DNAJC17: variants seen among roughly 807,000 people sequenced by gnomAD.
The protein encoded by DNAJC17 is dnaJ homolog subfamily C member 17.
Under a neutral mutation model 48.1 loss-of-function variants are expected in DNAJC17, and 35 were observed. That is an observed-to-expected ratio of 0.73 (90% confidence interval 0.56 to 0.96). The LOEUF (loss-of-function observed/expected upper bound fraction) is 0.96. DNAJC17 is among the 50% of genes least tolerant of loss of function. The probability of loss-of-function intolerance (pLI) is 0.00; values close to 1 mark genes in which losing one functional copy is unlikely to be tolerated. For missense variants in DNAJC17, 355 were observed against 377.1 expected, an observed-to-expected ratio of 0.94 and a Z score of 0.48; for synonymous variants, 117 against 142.7, an observed-to-expected ratio of 0.82 and a Z score of 1.28.
intron 1 of DNAJC17, among the ~76,000 whole-genome samples, chr15:40,790,818 C>T (rs935210029): frequency 6.6e-6 from 1 of 152,126 alleles, no homozygotes; most frequent in African/African-American, 2.4e-5. Flanking sequence ...TTACAGCTTA[C>T]AAACACAAAT....
intron 4 of DNAJC17, 167 bp from the exon 5 acceptor site, chr15:40,776,794 A>C: frequency 1.6e-6 from 1 of 643,724 alleles, no homozygotes; most frequent in South Asian, 1.8e-5. Flanking sequence ...TTCCATTGAG[A>C]AAAATCACAG....
chr15:40,773,799 G>T lies in DNAJC17; in HGVS notation c.720C>A (p.Asn240Lys), dbSNP rs146962346. The change falls in exon 10 of 11, where the codon AAC becomes AAA. Residue 240 changes from asparagine to lysine, a missense_variant. Physicochemically the swap from Asn to Lys is moderately conservative, Grantham distance 94 (BLOSUM62 0). This residue lies in a region of DNAJC17 where 68 missense variants were observed against 109.5 expected (regional missense o/e 0.62). Transcript: ENST00000220496. ...AVQNEVGLVDNPLKISWLEGQ... is the reference protein window; with the variant it reads ...AVQNEVGLVDKPLKISWLEGQ... ...CCTCCAACCAGGAAATCTTCAGAGG[G>T]TTATCCACCAGGCCAACTTCATTCT... 3 of 1,613,972 alleles carry T rather than the reference G, an allele frequency of 1.9e-6. No individual in the cohort carries two copies. The highest frequency in any genetic ancestry group is 2.5e-6 in the Non-Finnish European group (3 of 1,179,990).
At chr15:40,803,603 C>T (rs968373224) in intron 1 of DNAJC17, among the ~76,000 whole-genome samples, 4 of 152,220 alleles carry the variant, frequency 2.6e-5, no homozygotes, top group African/African-American at 9.7e-5. Context: ...CATGTCCAAA[C>T]TCTGCCCATT....
chr15:40,774,281 AG>A, intron 9 of DNAJC17, 74 bp downstream of exon 9: 1 of 1,523,140 alleles, frequency 6.6e-7, no homozygotes, highest in East Asian at 2.3e-5. Context: ...CCTAACTCAG[AG>A]GGCCCACAGA....
chr15:40,770,789 C>A lies in DNAJC17; in HGVS notation c.793-2727G>T. The stretch of plus-strand genomic sequence containing the variant: ...CAAGCTGCCCCAACATCCTGGAGCC[C>A]CCACCTGCCTACACAGCAGCCTACT... On this transcript the variant is annotated intron_variant, in intron 10 of 10. Coordinates refer to ENST00000220496, the MANE Select transcript of DNAJC17 (RefSeq NM_018163.3). This position sits in a 1 kb window ranked among gnomAD's most constrained non-coding sequence, Gnocchi z 5.0. The A allele has an allele frequency of 6.5e-7, 1 of 1,548,710 alleles. No individual in the cohort carries two copies. Among genetic ancestry groups the A allele is most frequent in the Non-Finnish European group, 8.7e-7 (1 of 1,146,982 alleles).
At chr15:40,785,906 A>G (rs1418712138) in intron 1 of DNAJC17, among the ~76,000 whole-genome samples, 4 of 152,270 alleles carry the variant, frequency 2.6e-5, no homozygotes, top group African/African-American at 9.6e-5. Context: ...TGTCTTGATT[A>G]ACTAGTTATT....
In DNAJC17 at chr15:40,776,222, C is replaced by A. The variant is rs749785446; in HGVS notation, c.452G>T (p.Arg151Leu). 55 of 1,613,920 alleles carry A rather than the reference C, an allele frequency of 3.4e-5. No individual in the cohort carries two copies. Among genetic ancestry groups the A allele is most frequent in the African/African-American group, 5.3e-5 (4 of 74,912 alleles). ...TCTCAACCTCTGGTCACGCTCCTGG[C>A]GTATCTGCTCCCGGATGAGCCTCTG... is the stretch of plus-strand genomic sequence containing the variant. ...EQQRLIREQI[R>L]QERDQRLRGK... is the part of the protein sequence containing the mutation. The change falls in exon 6 of 11, where the codon CGC becomes CTC. Residue 151 changes from arginine (R) to leucine (L), a missense_variant. Transcript: ENST00000220496.
In DNAJC17 at chr15:40,797,200, T is replaced by C. The variant is rs889251255; in HGVS notation, c.78+10169A>G. On this transcript the variant is annotated intron_variant, in intron 1 of 10. Transcript: ENST00000220496. The stretch of plus-strand genomic sequence containing the variant: ...GTCTGGGCAACATAGCAAAACCCCA[T>C]CTCTACAAAAAATTTAAAAATCAGC... Among the ~76,000 whole-genome samples the C allele has an allele frequency of 2.6e-5, 4 of 152,118 alleles. No homozygotes were observed. In the East Asian group the frequency reaches 5.8e-4, roughly 22 times the overall value.
intron 7 of DNAJC17, 109 bp downstream of exon 7, chr15:40,775,444 G>T: frequency 7.9e-7 from 1 of 1,272,478 alleles, no homozygotes; most frequent in Non-Finnish European, 1.1e-6. Context: ...CGGGCTCCAC[G>T]CAGATCCAGC....
At chr15:40,807,135 G>A in intron 1 of DNAJC17, 1 of 1,051,840 alleles carries the variant, frequency 9.5e-7, no homozygotes, top group Non-Finnish European at 1.3e-6. Context: ...AGGGGCCACG[G>A]GGAGAGCACA....
rs1888975171 is a variant in DNAJC17 at position 40,767,408 on chromosome 15, AC to A, written c.*531del. 1.3e-6 allele frequency: 2 copies of A among 1,509,132 alleles called. No homozygotes were observed. Among genetic ancestry groups the A allele is most frequent in the Non-Finnish European group, 1.8e-6 (2 of 1,125,468 alleles). The allele number at this position is 1,509,132 out of a possible 1,614,324, so 93.5% of individuals were successfully genotyped here. ...TGTGGAGGGGCTGCTGTGGGCCCTG[AC>A]CTCCAAGCTCCTGCCTCACCGTCTG... On this transcript the variant is annotated 3_prime_UTR_variant, in exon 11 of 11. Transcript: ENST00000220496.
Position 40,768,030 on chromosome 15 carries a change from G to A in DNAJC17, c.825C>T (p.Ser275=), listed in dbSNP as rs773754995. ...CCTGGCGCATGCGCATCATGACGAG[G>A]CTCTCGTAGTCCCTCTCTGACAGCA... The part of the protein sequence containing the change: ...GSVLSERDYE[S]LVMMRMRQAA... Residue 275 remains serine, a synonymous_variant, in exon 11 of 11, where the codon AGC becomes AGT. Coordinates refer to ENST00000220496, the MANE Select transcript of DNAJC17 (RefSeq NM_018163.3). 3 of 1,594,828 alleles carry A rather than the reference G, an allele frequency of 1.9e-6. No homozygotes were observed. In the South Asian group the frequency reaches 3.4e-5, roughly 18 times the overall value.
chr15:40,802,565 A>T (rs1381025899), intron 1 of DNAJC17, among the ~76,000 whole-genome samples: 2 of 152,192 alleles, frequency 1.3e-5, no homozygotes, highest in Non-Finnish European at 2.9e-5. Flanking sequence ...TCAGAGAAGT[A>T]GTCTGAACAC....
Position 40,765,605 on chromosome 15 carries a change from C to G in DNAJC17, c.*2335G>C, listed in dbSNP as rs1304710161. The G allele has an allele frequency of 5.6e-6, 2 of 357,960 alleles. No individual in the cohort carries two copies. The highest frequency in any genetic ancestry group is 1.0e-5 in the Non-Finnish European group (2 of 200,028). 22.2% of individuals were successfully genotyped at this position (357,960 alleles called of 1,614,324 possible). ...CTCGTGATACTTTGCCTGGCTAAAG[C>G]TGAGCTTTAAGGCACTAGGGAGGGC... On this transcript the variant is annotated 3_prime_UTR_variant, in exon 11 of 11. Transcript: ENST00000220496.
At chr15:40,779,638 AAAGTT>A (rs1889425840) in intron 2 of DNAJC17, 35 bp from the exon 3 acceptor site, 1 of 1,611,776 alleles carries the variant, frequency 6.2e-7, no homozygotes. Context: ...GAAGAAAAAT[AAAGTT>A]AAGACTTCGT....
chr15:40,784,737 G>C (rs1566826165), intron 1 of DNAJC17, among the ~76,000 whole-genome samples: 1 of 152,140 alleles, frequency 6.6e-6, no homozygotes, highest in Non-Finnish European at 1.5e-5. Flanking sequence ...TGCCAGAGTG[G>C]TGTCAGATAA....
intron 1 of DNAJC17, among the ~76,000 whole-genome samples, chr15:40,785,538 G>A (rs536546855): frequency 2.0e-5 from 3 of 152,284 alleles, no homozygotes; most frequent in Admixed American, 6.5e-5. Flanking sequence ...AAAATGATCC[G>A]TGTAAGCACC....
At chr15:40,771,687 C>G (rs148764101) in intron 10 of DNAJC17, 1 of 170,352 alleles carries the variant, frequency 5.9e-6, no homozygotes, top group East Asian at 1.9e-4. Flanking sequence ...TGCCCGGTGG[C>G]CACACATGAT....
rs1238828208 is a variant in DNAJC17, at chr15:40,765,925, A to G, written c.*2015T>C. On this transcript the variant is annotated 3_prime_UTR_variant, in exon 11 of 11. Coordinates refer to ENST00000220496, the MANE Select transcript of DNAJC17 (RefSeq NM_018163.3). ...GAAGAGCCTTGGGAAACAACTTGTA[A>G]GTAGCAGCCTCCCTCAGTATCCTCT... 1.3e-6 allele frequency: 2 copies of G among 1,495,874 alleles called. No individual in the cohort carries two copies. The highest frequency in any genetic ancestry group is 1.8e-6 in the Non-Finnish European group (2 of 1,085,134). 92.7% of individuals were successfully genotyped at this position (1,495,874 alleles called of 1,614,324 possible).
Sources: gnomAD v4.1 joint callset for allele counts (sites outside exome capture counted in the v4.1 genomes callset) on GRCh38, gnomAD v4.1.1 for gene constraint, gnomAD v4.1.1 regional missense constraint, Gnocchi (gnomAD v3.1) non-coding constraint, MANE v1.5 for transcripts, NCBI Gene and HGNC (gene_info 2026-07-23, HGNC 2026-07-21) for gene names.